ADAMTS20: variants seen among roughly 807,000 people sequenced by gnomAD.
ADAMTS20 encodes ADAM metallopeptidase with thrombospondin type 1 motif 20.
Under a neutral mutation model 260.1 loss-of-function variants are expected in ADAMTS20, and 225 were observed. That is an observed-to-expected ratio of 0.87 (90% confidence interval 0.78 to 0.97). The LOEUF (loss-of-function observed/expected upper bound fraction) is 0.97. Among genes scored for constraint, ADAMTS20 ranks in the 50% least tolerant of loss-of-function variants. The pLI is 0.00. For synonymous variants in ADAMTS20, 802 were observed against 769.5 expected, an observed-to-expected ratio of 1.04 and a Z score of -0.70; for missense variants, 2,400 against 2,337.7, an observed-to-expected ratio of 1.03 and a Z score of -0.55.
intron 3 of ADAMTS20, among the ~76,000 whole-genome samples, chr12:43,529,160 GGCATGGAT>G (rs1435453567): frequency 1.3e-5 from 2 of 152,088 alleles, no homozygotes; most frequent in African/African-American, 2.4e-5. Flanking sequence ...AATAGATATT[GGCATGGAT>G]GTAGTGAAAG....
At chr12:43,532,329 C>T (rs7960952) in intron 2 of ADAMTS20, 134 bp from the exon 3 acceptor site, 405,173 of 680,780 alleles carry the variant, frequency 0.6, 126,151 homozygotes, top group East Asian at 0.98. Flanking sequence ...ATCAACTGAG[C>T]ATAAAAAGTT....
chr12:43,446,748 G>T, intron 14 of ADAMTS20, 36 bp from the exon 15 acceptor site: 2 of 1,509,462 alleles, frequency 1.3e-6, no homozygotes, highest in South Asian at 1.1e-5. Context: ...TTATAAGAAT[G>T]ACTAATTATG....
At chr12:43,539,901 T>G (rs1288565036) in intron 2 of ADAMTS20, among the ~76,000 whole-genome samples, 1 of 149,694 alleles carries the variant, frequency 6.7e-6, no homozygotes, top group Non-Finnish European at 1.5e-5. Context: ...TTTTTTTTTT[T>G]GAGACAGAGT....
At chr12:43,372,978 A>G (rs1380341115) in intron 36 of ADAMTS20, among the ~76,000 whole-genome samples, 1 of 152,238 alleles carries the variant, frequency 6.6e-6, no homozygotes, top group Non-Finnish European at 1.5e-5. Flanking sequence ...TTAGACATTT[A>G]GAAAAGTAGG....
In ADAMTS20 at chr12:43,425,558, C is replaced by T; in HGVS notation, c.4240G>A (p.Ala1414Thr). The T allele has an allele frequency of 1.3e-6, 2 of 1,584,940 alleles. No homozygotes were observed. Among genetic ancestry groups the T allele is most frequent in the Non-Finnish European group, 1.7e-6 (2 of 1,162,458 alleles). Reference sequence around the variant, plus strand: ...TGCCATGACACATCAGCAGGGCAAGCATGCATATGACACTGTATTACGCTA... The same window carrying T: ...TGCCATGACACATCAGCAGGGCAAGTATGCATATGACACTGTATTACGCTA... ...PPSVIQCHMH[A>T]CPADVSWHQE... Residue 1414 changes from alanine (A) to threonine (T), a missense_variant, in exon 28 of 39, where the codon GCT becomes ACT. Transcript: ENST00000389420.
At chr12:43,416,524 C>CTTTT (rs59341765) in intron 28 of ADAMTS20, among the ~76,000 whole-genome samples, 22 of 130,688 alleles carry the variant, frequency 1.7e-4, no homozygotes, top group South Asian at 2.5e-4. Context: ...TCAAACTGAC[C>CTTTT]TTTTTTTTTT....
chr12:43,463,475 A>G (rs1942101023), intron 10 of ADAMTS20, among the ~76,000 whole-genome samples: 1 of 152,184 alleles, frequency 6.6e-6, no homozygotes, highest in Admixed American at 6.5e-5. Context: ...AAGGGCTCTG[A>G]AGGTTTCGAA....
At chr12:43,497,178 GT>G (rs1224091787) in intron 4 of ADAMTS20, among the ~76,000 whole-genome samples, 1 of 151,910 alleles carries the variant, frequency 6.6e-6, no homozygotes, top group African/African-American at 2.4e-5. Flanking sequence ...TTGTTTATAG[GT>G]TTCATAAAAT....
chr12:43,459,850 C>T (rs1162184691), intron 11 of ADAMTS20, among the ~76,000 whole-genome samples: 3 of 152,166 alleles, frequency 2.0e-5, no homozygotes, highest in Non-Finnish European at 2.9e-5. Flanking sequence ...GTAATCCTTA[C>T]TCTTTTTAAA....
chr12:43,384,697 C>T (rs1438375048), intron 29 of ADAMTS20, among the ~76,000 whole-genome samples: 1 of 152,126 alleles, frequency 6.6e-6, no homozygotes, highest in Admixed American at 6.5e-5. Context: ...TGAGTGAGAA[C>T]ATGCGGTGTT....
chr12:43,539,511 T>G (rs2897711), intron 2 of ADAMTS20, among the ~76,000 whole-genome samples: 17,281 of 152,186 alleles, frequency 0.11, 1,367 homozygotes, highest in African/African-American at 0.22. Context: ...TCTTGGATAC[T>G]TTTCTAGGGC....
At chr12:43,506,281 A>G (rs1203365649) in intron 3 of ADAMTS20, among the ~76,000 whole-genome samples, 1 of 152,186 alleles carries the variant, frequency 6.6e-6, no homozygotes, top group Admixed American at 6.5e-5. Context: ...GATACTTAAA[A>G]TAGTAAAATT....
chr12:43,457,348 C>G (rs1456748504), intron 11 of ADAMTS20, among the ~76,000 whole-genome samples: 2 of 152,128 alleles, frequency 1.3e-5, no homozygotes, highest in Non-Finnish European at 2.9e-5. Context: ...CCAGATCTCT[C>G]TCTTAAATTA....
chr12:43,353,602 C>T (rs1939681189), downstream of ADAMTS20, among the ~76,000 whole-genome samples: 1 of 152,000 alleles, frequency 6.6e-6, no homozygotes, highest in Non-Finnish European at 1.5e-5. Flanking sequence ...ATTTGTACCT[C>T]ATTTTGAGGA....
intron 3 of ADAMTS20, among the ~76,000 whole-genome samples, chr12:43,521,342 T>C (rs1024805517): frequency 2.0e-5 from 3 of 152,202 alleles, no homozygotes; most frequent in Non-Finnish European, 2.9e-5. Context: ...TTTAAAGGAA[T>C]GGGAAATAAT....
At chr12:43,428,577 T>A in intron 25 of ADAMTS20, 46 bp from the exon 26 acceptor site, 1 of 1,493,408 alleles carries the variant, frequency 6.7e-7, no homozygotes. Context: ...TTAATTTATA[T>A]TTAATATCAA....
intron 28 of ADAMTS20, among the ~76,000 whole-genome samples, chr12:43,416,400 A>G (rs1281511328): frequency 6.6e-6 from 1 of 152,238 alleles, no homozygotes. Flanking sequence ...AAAATTTCTT[A>G]GGCATGATCC....
chr12:43,409,618 A>AAAAC lies in ADAMTS20; in HGVS notation c.4285-10386_4285-10385insGTTT, dbSNP rs1172973652. On this transcript the variant is annotated intron_variant, in intron 28 of 38. Coordinates refer to ENST00000389420, the MANE Select transcript of ADAMTS20 (RefSeq NM_025003.5). ...CTCCGTCTCAAAAAAAAAAAAAAAA[A>AAAAC]AAAAAAAAAAAACAAGAAAATTAGA... 3.2e-4 allele frequency among the ~76,000 whole-genome samples: 47 copies of AAAAC among 147,548 alleles called. 3 individuals carry two copies. Among genetic ancestry groups the AAAAC allele is most frequent in the Admixed American group, 8.0e-4 (12 of 14,954 alleles).
intron 29 of ADAMTS20, among the ~76,000 whole-genome samples, chr12:43,393,814 A>T (rs1027967218): frequency 4.6e-5 from 7 of 152,058 alleles, no homozygotes; most frequent in African/African-American, 1.7e-4. Flanking sequence ...CTCTTTCATT[A>T]TGAAATCTTT....
Sources: allele counts gnomAD v4.1 joint callset (sites outside exome capture counted in the v4.1 genomes callset), GRCh38; gene constraint gnomAD v4.1.1; transcripts MANE v1.5; gene names NCBI Gene and HGNC (gene_info 2026-07-23, HGNC 2026-07-21).